The following ATF6B variants were observed in gnomAD, a reference collection of about 807,000 sequenced individuals.
ATF6B encodes the protein activating transcription factor 6 beta, also known as cyclic AMP-dependent transcription factor ATF-6 beta.
ATF6B carries 50 observed loss-of-function variants against 83.5 expected under a neutral mutation model. The observed-to-expected ratio is 0.60, with a 90% CI of 0.48 to 0.76. The LOEUF (loss-of-function observed/expected upper bound fraction) is 0.76, where lower values mean the gene tolerates loss of function less well. ATF6B is among the 30% of genes least tolerant of loss of function. ATF6B has a pLI of 0.00. For synonymous variants in ATF6B, 344 were observed against 362.8 expected, an observed-to-expected ratio of 0.95 and a Z score of 0.59; for missense variants, 790 against 893.8, an observed-to-expected ratio of 0.88 and a Z score of 1.48.
intron 5 of ATF6B, among the ~76,000 whole-genome samples, chr6:32,124,066 G>A (rs12215107): frequency 0.11 from 17,173 of 152,102 alleles, 1,076 homozygotes; most frequent in South Asian, 0.16. Context: ...CAGGCGTGGT[G>A]GAGCATGCCT....
Position 32,115,747 on chromosome 6 carries a change from G to GCAA in ATF6B, c.2103_2104insTTG (p.Asn701_His702insLeu), listed in dbSNP as rs1781498694. The GCAA allele has an allele frequency of 6.3e-7, 1 of 1,599,460 alleles. No individual in the cohort carries two copies. The highest frequency in any genetic ancestry group is 1.3e-5 in the African/African-American group (1 of 74,840). ...AGTGTGAATGGCAGAGGTCAGGGAT[G>GCAA]ATTGAGGTAGAGGGGCTGGTGGGAG... is the stretch of plus-strand genomic sequence containing the variant. On this transcript the variant is annotated inframe_insertion, in exon 18 of 18. Transcript: ENST00000375203.
rs563274796 is a variant in ATF6B, at chr6:32,118,468, C to A, written c.1244+307G>T. 6.6e-6 allele frequency among the ~76,000 whole-genome samples: 1 copy of A among 152,156 alleles called. No homozygotes were observed. The highest frequency in any genetic ancestry group is 1.5e-5 in the Non-Finnish European group (1 of 68,022). On this transcript the variant is annotated intron_variant, in intron 11 of 17. Coordinates refer to ENST00000375203, the MANE Select transcript of ATF6B (RefSeq NM_004381.5). The surrounding 1 kb of genome is among the most constrained non-coding windows in gnomAD (Gnocchi z 5.2). ...AAAATTAGCCGGGCATGGTGGCGTG[C>A]GCCTGTAGTCCCAGCTACTTGGGAG...
At position 32,117,984 on chromosome 6, in the gene ATF6B, A is replaced by T; in HGVS notation, c.1299T>A (p.Pro433=). Residue 433 remains proline, a synonymous_variant, in exon 12 of 18, where the codon CCT becomes CCA. Transcript: ENST00000375203. The surrounding 1 kb of genome is among the most constrained non-coding windows in gnomAD (Gnocchi z 5.0). ...PISPRMNKGE[P]QPRRHLLGFS... ...ACCCCAGCAAGTGTCTCCGGGGTTG[A>T]GGCTCCCCCTTGTTCATCCGAGGAG... 1.9e-6 allele frequency: 3 copies of T among 1,613,972 alleles called. No individual in the cohort carries two copies. Among genetic ancestry groups the T allele is most frequent in the Non-Finnish European group, 2.5e-6 (3 of 1,179,972 alleles).
rs149301847 is a variant in ATF6B at position 32,119,823 on chromosome 6, C to A, written c.966+1G>T. ...CTACTTCTCTCCTCCCCAACACTTACATCCACTTCAGGCGGGCAGGAGTTT... is the reference window on the plus strand; with the variant it reads ...CTACTTCTCTCCTCCCCAACACTTAAATCCACTTCAGGCGGGCAGGAGTTT... On this transcript the variant is annotated splice_donor_variant, in intron 9 of 17. Transcript: ENST00000375203. LOFTEE classifies it high-confidence loss of function. The surrounding 1 kb of genome is among the most constrained non-coding windows in gnomAD (Gnocchi z 4.9). The A allele has an allele frequency of 6.8e-6, 11 of 1,613,894 alleles. No homozygotes were observed. Among genetic ancestry groups the A allele is most frequent in the Non-Finnish European group, 9.3e-6 (11 of 1,179,854 alleles).
Position 32,119,920 on chromosome 6 carries a change from G to A in ATF6B, c.870C>T (p.Val290=), listed in dbSNP as rs761688004. 6.2e-7 allele frequency: 1 copy of A among 1,614,138 alleles called. No individual in the cohort carries two copies. The highest frequency in any genetic ancestry group is 1.1e-5 in the South Asian group (1 of 91,082). Residue 290 remains valine, a synonymous_variant, in exon 9 of 18, where the codon GTC becomes GTT. Transcript: ENST00000375203. This position sits in a 1 kb window ranked among gnomAD's most constrained non-coding sequence, Gnocchi z 4.9. ...PVVLIQGAIR[V]QPEGPAPSLP... ...GAGAGGGAGCCGGCCCTTCAGGCTG[G>A]ACTCGAATAGCACCCTGGATGAGGA...
intron 5 of ATF6B, among the ~76,000 whole-genome samples, chr6:32,121,802 G>C (rs1781777880): frequency 6.6e-6 from 1 of 152,214 alleles, no homozygotes; most frequent in East Asian, 1.9e-4. Flanking sequence ...ATCCAGGAGG[G>C]GCAGTCACAG....
chr6:32,119,198 G>A lies in ATF6B; in HGVS notation c.967-57C>T. ...AGATGAGTTGGCAGAAGGAGACTAT[G>A]CTCTCAAACCCCAAGGAATGATTTA... On this transcript the variant is annotated intron_variant, in intron 9 of 17. Transcript: ENST00000375203. This position sits in a 1 kb window ranked among gnomAD's most constrained non-coding sequence, Gnocchi z 4.9. The A allele has an allele frequency of 6.5e-7, 1 of 1,538,612 alleles. No individual in the cohort carries two copies. Among genetic ancestry groups the A allele is most frequent in the South Asian group, 1.2e-5 (1 of 83,850 alleles).
At chr6:32,124,153 T>C (rs143009055) in intron 5 of ATF6B, among the ~76,000 whole-genome samples, 1 of 152,136 alleles carries the variant, frequency 6.6e-6, no homozygotes, top group African/African-American at 2.4e-5. Flanking sequence ...TGAGCCAAGA[T>C]CACACCACTA....
intron 8 of ATF6B, 153 bp downstream of exon 8, chr6:32,120,618 T>G (rs1781722785): frequency 1.1e-6 from 1 of 927,224 alleles, no homozygotes; most frequent in Non-Finnish European, 1.5e-6. Flanking sequence ...TCCACGCTAA[T>G]TTTTGTATTT....
chr6:32,123,117 A>G (rs2127344188), intron 5 of ATF6B, among the ~76,000 whole-genome samples: 1 of 148,256 alleles, frequency 6.7e-6, no homozygotes, highest in Middle Eastern at 3.2e-3. Flanking sequence ...AGTCCTAGCT[A>G]TTAGGGGGGC....
chr6:32,128,194 A>G lies in ATF6B; in HGVS notation c.14T>C (p.Met5Thr), dbSNP rs1427919139. The change falls in exon 1 of 18, where the codon ATG becomes ACG. Residue 5 changes from methionine to threonine, a missense_variant. Met to Thr is a moderately conservative substitution (Grantham distance 81). This residue lies in a region of ATF6B where 253 missense variants were observed against 243.1 expected (regional missense o/e 1.04). Coordinates refer to ENST00000375203, the MANE Select transcript of ATF6B (RefSeq NM_004381.5). MAEL[M>T]LLSEIADPTR... is the part of the protein sequence containing the mutation. ...CGGGTCAGCAATCTCGCTGAGCAGC[A>G]TCAGCTCCGCCATCTTTCCCCCCCA... The G allele has an allele frequency of 5.0e-6, 8 of 1,612,004 alleles. No individual in the cohort carries two copies. Among genetic ancestry groups the G allele is most frequent in the Non-Finnish European group, 5.9e-6 (7 of 1,179,690 alleles).
Position 32,117,875 on chromosome 6 carries a change from C to T in ATF6B, c.1408G>A (p.Asp470Asn). 3 of 1,569,406 alleles carry T rather than the reference C, an allele frequency of 1.9e-6. No individual in the cohort carries two copies. Among genetic ancestry groups the T allele is most frequent in the Non-Finnish European group, 2.6e-6 (3 of 1,161,036 alleles). The part of the protein sequence containing the change: ...GPKEPQPSPT[D>N]QPSFSNLTAF... ...TCTCCTCACCTGAAACTGGGCTGGT[C>T]TGTGGGGCTGGGCTGGGGCTCCTTA... The change falls in exon 12 of 18, where the codon GAC (aspartate) becomes AAC (asparagine). Residue 470 changes from aspartate to asparagine, a missense_variant. By Grantham distance (23) the Asp-to-Asn change is conservative. Transcript: ENST00000375203. This position sits in a 1 kb window ranked among gnomAD's most constrained non-coding sequence, Gnocchi z 5.0.
chr6:32,127,819 G>T, intron 1 of ATF6B, 69 bp from the exon 2 acceptor site: 1 of 1,521,144 alleles, frequency 6.6e-7, no homozygotes, highest in Non-Finnish European at 9.1e-7. Flanking sequence ...ACAAGCCCCC[G>T]CCCCATCCCT....
At position 32,115,841 on chromosome 6, in the gene ATF6B, T is replaced by C; in HGVS notation, c.2010A>G (p.Pro670=). Residue 670 remains proline, a synonymous_variant, in exon 18 of 18, where the codon CCA becomes CCG. Transcript: ENST00000375203. ...STVPPSLRKQ[P]SPTPGNATGG... is the part of the protein sequence containing the mutation. ...CTGTGGCATTGCCTGGGGTTGGGGATGGCTGTTTTCGGAGCGAGGGGGGCA... is the reference window on the plus strand; with the variant it reads ...CTGTGGCATTGCCTGGGGTTGGGGACGGCTGTTTTCGGAGCGAGGGGGGCA... The C allele has an allele frequency of 2.5e-6, 4 of 1,614,124 alleles. No individual in the cohort carries two copies. Among genetic ancestry groups the C allele is most frequent in the Non-Finnish European group, 3.4e-6 (4 of 1,180,014 alleles).
Position 32,120,755 on chromosome 6 carries a change from T to G in ATF6B, c.832+16A>C. 6.2e-7 allele frequency: 1 copy of G among 1,607,352 alleles called. No homozygotes were observed. Among genetic ancestry groups the G allele is most frequent in the Non-Finnish European group, 8.5e-7 (1 of 1,176,826 alleles). The stretch of plus-strand genomic sequence containing the variant: ...CGTGAGCCACCATGCCCGGCCCTTT[T>G]CTCCTTCTTCAGTACCTGGGGGTGG... On this transcript the variant is annotated intron_variant, in intron 8 of 17. Coordinates refer to ENST00000375203, the MANE Select transcript of ATF6B (RefSeq NM_004381.5).
Position 32,117,604 on chromosome 6 carries a change from G to GTT in ATF6B, c.1513_1514dup (p.Asn505LysfsTer7). On this transcript the variant is annotated frameshift_variant, in exon 13 of 18. Transcript: ENST00000375203. LOFTEE classifies it high-confidence loss of function. This position sits in a 1 kb window ranked among gnomAD's most constrained non-coding sequence, Gnocchi z 5.0. Reference sequence around the variant, plus strand: ...TCCCACACCTCAGGGACTCAGTGCGGTTGAAGTGCCGGCAATCAGAGGAGA... The same window carrying GTT: ...TCCCACACCTCAGGGACTCAGTGCGGTTTTGAAGTGCCGGCAATCAGAGGAGA... 6.2e-7 allele frequency: 1 copy of GTT among 1,614,118 alleles called. No individual in the cohort carries two copies. The highest frequency in any genetic ancestry group is 8.5e-7 in the Non-Finnish European group (1 of 1,179,974).
rs1194717100 is a variant in ATF6B at position 32,118,168 on chromosome 6, A to G, written c.1245-130T>C. On this transcript the variant is annotated intron_variant, in intron 11 of 17. Transcript: ENST00000375203. The surrounding 1 kb of genome is among the most constrained non-coding windows in gnomAD (Gnocchi z 5.2). ...ATACAAGCCTGAGTCTGCCTCTGTAAGATGGGAATAAGGATGGTCCCTACA... is the reference window on the plus strand; with the variant it reads ...ATACAAGCCTGAGTCTGCCTCTGTAGGATGGGAATAAGGATGGTCCCTACA... 2 of 1,147,742 alleles carry G rather than the reference A, an allele frequency of 1.7e-6. No homozygotes were observed. The highest frequency in any genetic ancestry group is 2.4e-5 in the East Asian group (1 of 41,122). The allele number at this position is 1,147,742 out of a possible 1,614,324, so 71.1% of individuals were successfully genotyped here.
chr6:32,116,869 C>G lies in ATF6B; in HGVS notation c.1686-54G>C. ...GGGAACTAAGCCCAATGCTCAGTTT[C>G]TACCAGGGAAGCGGGTAGGATGAGA... On this transcript the variant is annotated intron_variant, in intron 15 of 17. Transcript: ENST00000375203. The surrounding 1 kb of genome is among the most constrained non-coding windows in gnomAD (Gnocchi z 5.1). 1 of 1,590,602 alleles carries G rather than the reference C, an allele frequency of 6.3e-7. No homozygotes were observed. Among genetic ancestry groups the G allele is most frequent in the South Asian group, 1.1e-5 (1 of 90,516 alleles).
At chr6:32,120,454 C>CTTTTTTT (rs1201008710) in intron 8 of ATF6B, 2 of 131,440 alleles carry the variant, frequency 1.5e-5, no homozygotes, top group African/African-American at 2.9e-5. Flanking sequence ...TTTCTTTTTT[C>CTTTTTTT]TTTTTTTTTT....
Sources: allele counts gnomAD v4.1 joint callset (sites outside exome capture counted in the v4.1 genomes callset), GRCh38; gene constraint gnomAD v4.1.1; regional missense constraint gnomAD v4.1.1; non-coding constraint Gnocchi (gnomAD v3.1); transcripts MANE v1.5; gene names NCBI Gene and HGNC (gene_info 2026-07-23, HGNC 2026-07-21).